AMBRA1: variants seen among roughly 807,000 people sequenced by gnomAD.
AMBRA1 encodes autophagy and beclin 1 regulator 1.
In AMBRA1, 47 loss-of-function variants were observed where a neutral mutation model predicts 125.4. The ratio of observed to expected loss-of-function variants is 0.37; its 90% confidence interval spans 0.30 to 0.48. AMBRA1 has a LOEUF of 0.48. Ranked by LOEUF, AMBRA1 falls within the 20% of genes least tolerant of loss-of-function variation. AMBRA1 has a pLI of 0.99. For synonymous variants in AMBRA1, 626 were observed against 655.5 expected (o/e 0.95, Z 0.69); for missense variants, 1,331 against 1,693.4 (o/e 0.79, Z 3.76).
chr11:46,425,787 C>T (rs1013783737), intron 14 of AMBRA1, among the ~76,000 whole-genome samples: 2 of 148,848 alleles, frequency 1.3e-5, no homozygotes, highest in East Asian at 2.0e-4. Flanking sequence ...TGCAGTGAGC[C>T]GAGATCGTGC....
intron 14 of AMBRA1, among the ~76,000 whole-genome samples, chr11:46,425,756 T>C (rs563377868): frequency 6.6e-6 from 1 of 151,776 alleles, no homozygotes; most frequent in South Asian, 2.1e-4. Context: ...GGAAAATCAC[T>C]TGAACGCAGA....
intron 9 of AMBRA1, among the ~76,000 whole-genome samples, chr11:46,501,297 G>A (rs1049676789): frequency 6.6e-6 from 1 of 152,164 alleles, no homozygotes; most frequent in African/African-American, 2.4e-5. Context: ...ACATCCCAAA[G>A]ATGTGCACAT....
At chr11:46,518,142 A>G (rs934109098) in intron 7 of AMBRA1, 1 of 984,594 alleles carries the variant, frequency 1.0e-6, no homozygotes, top group Non-Finnish European at 1.2e-6. Context: ...CAGAAGAATT[A>G]CTCACGGCCA....
chr11:46,425,570 G>A (rs553422797), intron 14 of AMBRA1, among the ~76,000 whole-genome samples: 15 of 152,104 alleles, frequency 9.9e-5, no homozygotes, highest in South Asian at 2.1e-4. Flanking sequence ...GGCTGGGCGC[G>A]GTAGCTCACG....
intron 1 of AMBRA1, among the ~76,000 whole-genome samples, chr11:46,567,072 T>C (rs2043558601): frequency 6.6e-6 from 1 of 151,934 alleles, no homozygotes; most frequent in Admixed American, 6.6e-5. Flanking sequence ...TAGTGTTTGT[T>C]TGTTTGTTTG....
intron 1 of AMBRA1, among the ~76,000 whole-genome samples, chr11:46,551,598 C>T (rs1368099663): frequency 1.3e-5 from 2 of 152,208 alleles, no homozygotes; most frequent in Admixed American, 6.5e-5. Context: ...ACACCAGGCG[C>T]GATGGCTCAC....
At chr11:46,528,949 C>T (rs544770571) in intron 7 of AMBRA1, among the ~76,000 whole-genome samples, 2 of 152,256 alleles carry the variant, frequency 1.3e-5, no homozygotes, top group Admixed American at 6.5e-5. Context: ...AAGAGTCACA[C>T]GTACCCTCTG....
intron 9 of AMBRA1, among the ~76,000 whole-genome samples, chr11:46,507,955 G>A (rs982458104): frequency 6.6e-6 from 1 of 152,206 alleles, no homozygotes; most frequent in South Asian, 2.1e-4. Flanking sequence ...ATCTGGCCTG[G>A]GGCCCAATGG....
intron 11 of AMBRA1, among the ~76,000 whole-genome samples, chr11:46,452,497 T>G (rs1426194419): frequency 6.6e-6 from 1 of 152,166 alleles, no homozygotes; most frequent in Non-Finnish European, 1.5e-5. Context: ...TTACTTTAAC[T>G]TTTCTCTTAT....
chr11:46,425,491 C>T (rs1002334814), intron 14 of AMBRA1, among the ~76,000 whole-genome samples: 1 of 152,174 alleles, frequency 6.6e-6, no homozygotes, highest in African/African-American at 2.4e-5. Flanking sequence ...GGGAACCTCT[C>T]ATCATGTCTC....
chr11:46,537,162 C>A (rs980154529), intron 7 of AMBRA1, among the ~76,000 whole-genome samples: 2 of 152,124 alleles, frequency 1.3e-5, no homozygotes, highest in Non-Finnish European at 2.9e-5. Flanking sequence ...CCATTCTACC[C>A]AAAAATAATA....
chr11:46,464,794 C>T (rs1257702423), intron 11 of AMBRA1, among the ~76,000 whole-genome samples: 3 of 151,704 alleles, frequency 2.0e-5, no homozygotes, highest in East Asian at 3.9e-4. Context: ...CACCTGTAAT[C>T]CAAGCACTTT....
chr11:46,588,404 G>A (rs2044475013), intron 1 of AMBRA1, among the ~76,000 whole-genome samples: 1 of 152,124 alleles, frequency 6.6e-6, no homozygotes, highest in Non-Finnish European at 1.5e-5. Flanking sequence ...TTGTAAAATA[G>A]CATGGAAGTT....
At chr11:46,572,563 G>A (rs2043803635) in intron 1 of AMBRA1, among the ~76,000 whole-genome samples, 1 of 152,204 alleles carries the variant, frequency 6.6e-6, no homozygotes, top group African/African-American at 2.4e-5. Flanking sequence ...GGTGCATACA[G>A]TAGGTAAAGA....
intron 7 of AMBRA1, among the ~76,000 whole-genome samples, chr11:46,540,361 C>A (rs1952679810): frequency 6.6e-6 from 1 of 152,142 alleles, no homozygotes; most frequent in Non-Finnish European, 1.5e-5. Context: ...ACATGTCATG[C>A]CCTGTGTTGA....
chr11:46,514,641 A>AT (rs34171336), intron 7 of AMBRA1, among the ~76,000 whole-genome samples: 2,055 of 146,468 alleles, frequency 0.014, 43 homozygotes, highest in African/African-American at 0.044. Flanking sequence ...AATTGGCAGG[A>AT]TTTTTTTTTT....
At chr11:46,565,599 T>C (rs2043494366) in intron 1 of AMBRA1, among the ~76,000 whole-genome samples, 1 of 151,668 alleles carries the variant, frequency 6.6e-6, no homozygotes, top group Admixed American at 6.6e-5. Flanking sequence ...CCCAGTTACT[T>C]AGGAGGCAGA....
intron 9 of AMBRA1, among the ~76,000 whole-genome samples, chr11:46,500,624 T>C (rs34217002): frequency 0.012 from 1,834 of 152,270 alleles, 43 homozygotes; most frequent in African/African-American, 0.042. Flanking sequence ...ATCTCTCTCA[T>C]ATCACAAACA....
At chr11:46,459,739 TACACAC>T (rs56374939) in intron 11 of AMBRA1, among the ~76,000 whole-genome samples, 79 of 110,312 alleles carry the variant, frequency 7.2e-4, no homozygotes, top group South Asian at 1.7e-3. Flanking sequence ...AAAATACACA[TACACAC>T]ACACACACAC....
Sources: gnomAD v4.1 joint callset for allele counts (sites outside exome capture counted in the v4.1 genomes callset) on GRCh38, gnomAD v4.1.1 for gene constraint, MANE v1.5 for transcripts, NCBI Gene and HGNC (gene_info 2026-07-23, HGNC 2026-07-21) for gene names.